Variants in SPMIP2 observed in about 807,000 individuals in gnomAD.
SPMIP2 encodes protein SPMIP2.
At chr4:158,940,858 C>G in the SPMIP2 span, among the ~76,000 whole-genome samples, 12 of 152,036 alleles carry the variant, frequency 7.9e-5, no homozygotes, top group African/African-American at 2.9e-4. Context: ...TTTTGGCCAG[C>G]AAAAATCTCT....
chr4:159,037,827 C>CACACATATAT, the SPMIP2 span, among the ~76,000 whole-genome samples: 1 of 125,920 alleles, frequency 7.9e-6, no homozygotes, highest in South Asian at 2.7e-4. Flanking sequence ...CACACACACA[C>CACACATATAT]ATATATATAT....
chr4:158,926,153 TA>T, the SPMIP2 span, among the ~76,000 whole-genome samples: 1 of 152,196 alleles, frequency 6.6e-6, no homozygotes, highest in African/African-American at 2.4e-5. Flanking sequence ...AATCAACTTT[TA>T]AAAAAATTTT....
At chr4:159,004,700 G>A in the SPMIP2 span, among the ~76,000 whole-genome samples, 7 of 152,188 alleles carry the variant, frequency 4.6e-5, no homozygotes, top group South Asian at 1.2e-3. Context: ...ACCTAACATG[G>A]TTGTTCTATT....
chr4:159,057,198 T>TA, the SPMIP2 span, among the ~76,000 whole-genome samples: 1 of 152,206 alleles, frequency 6.6e-6, no homozygotes, highest in Non-Finnish European at 1.5e-5. Context: ...GATCAGTTTT[T>TA]ATCAAAGGGC....
the SPMIP2 span, among the ~76,000 whole-genome samples, chr4:159,028,527 C>T: frequency 6.6e-6 from 1 of 152,178 alleles, no homozygotes; most frequent in East Asian, 1.9e-4. Flanking sequence ...GATGAACTCT[C>T]TCTGTGTTGC....
At chr4:158,941,904 G>A in the SPMIP2 span, among the ~76,000 whole-genome samples, 1 of 152,072 alleles carries the variant, frequency 6.6e-6, no homozygotes, top group East Asian at 1.9e-4. Flanking sequence ...CAGATTAAGA[G>A]ATGGTGGTGT....
chr4:159,075,868 G>C, the SPMIP2 span, among the ~76,000 whole-genome samples: 1 of 150,780 alleles, frequency 6.6e-6, no homozygotes. Flanking sequence ...GAACATCCAT[G>C]AGCGTTGGAT....
the SPMIP2 span, among the ~76,000 whole-genome samples, chr4:158,994,717 G>A: frequency 6.6e-6 from 1 of 152,198 alleles, no homozygotes; most frequent in East Asian, 1.9e-4. Context: ...GGGGAATCAA[G>A]CCAAGGTAAA....
At chr4:159,055,482 C>A in the SPMIP2 span, among the ~76,000 whole-genome samples, 1 of 152,108 alleles carries the variant, frequency 6.6e-6, no homozygotes, top group South Asian at 2.1e-4. Context: ...GCAAAGCAGG[C>A]AGATTGCTTG....
At chr4:159,018,261 CT>C in the SPMIP2 span, among the ~76,000 whole-genome samples, 6 of 152,334 alleles carry the variant, frequency 3.9e-5, no homozygotes, top group South Asian at 1.2e-3. Flanking sequence ...GCAGCAGCCC[CT>C]GGGGACTGCT....
chr4:159,011,148 A>G, the SPMIP2 span, among the ~76,000 whole-genome samples: 1 of 152,176 alleles, frequency 6.6e-6, no homozygotes, highest in Non-Finnish European at 1.5e-5. Context: ...TTAAATATTG[A>G]CTTTCACTTG....
chr4:158,984,701 C>A, the SPMIP2 span, among the ~76,000 whole-genome samples: 1 of 151,864 alleles, frequency 6.6e-6, no homozygotes, highest in Admixed American at 6.6e-5. Flanking sequence ...AAATTGACAT[C>A]CTAACATAAC....
the SPMIP2 span, among the ~76,000 whole-genome samples, chr4:158,984,144 G>A: frequency 9.2e-6 from 1 of 109,234 alleles, no homozygotes; most frequent in Non-Finnish European, 1.9e-5. Flanking sequence ...GATTCATAAA[G>A]CAAGTCCTGA....
At chr4:159,055,484 GA>G in the SPMIP2 span, among the ~76,000 whole-genome samples, 1 of 152,178 alleles carries the variant, frequency 6.6e-6, no homozygotes, top group Non-Finnish European at 1.5e-5. Context: ...AAAGCAGGCA[GA>G]TTGCTTGAGT....
chr4:159,028,232 T>C, the SPMIP2 span, among the ~76,000 whole-genome samples: 2 of 152,244 alleles, frequency 1.3e-5, no homozygotes, highest in Non-Finnish European at 2.9e-5. Flanking sequence ...TTATGTCTTA[T>C]ATTAACTATT....
the SPMIP2 span, among the ~76,000 whole-genome samples, chr4:158,972,365 ATAAATAAATAATGGTTTTTCCTTTT>A: frequency 6.6e-6 from 1 of 152,210 alleles, no homozygotes; most frequent in Admixed American, 6.5e-5. Context: ...CTGTCTCTAA[ATAAATAAATAATGGTTTTTCCTTTT>A]GTTAACCTTT....
chr4:158,904,171 A>AAGTT, the SPMIP2 span, among the ~76,000 whole-genome samples: 2 of 152,198 alleles, frequency 1.3e-5, no homozygotes, highest in Non-Finnish European at 2.9e-5. Flanking sequence ...GAATACAGGA[A>AAGTT]AGTTAGAAAG....
the SPMIP2 span, among the ~76,000 whole-genome samples, chr4:159,036,675 A>T: frequency 6.6e-6 from 1 of 152,218 alleles, no homozygotes; most frequent in Non-Finnish European, 1.5e-5. Context: ...TTAACCACTC[A>T]GCCCTCCTAA....
chr4:159,008,894 G>C, the SPMIP2 span, among the ~76,000 whole-genome samples: 31 of 152,314 alleles, frequency 2.0e-4, 1 homozygote, highest in Non-Finnish European at 3.8e-4. Flanking sequence ...GACTCAAGCA[G>C]CATTAAGTAA....
Sources: gnomAD v4.1 joint callset for allele counts (sites outside exome capture counted in the v4.1 genomes callset) on GRCh38, gnomAD v4.1.1 for gene constraint, MANE v1.5 for transcripts, NCBI Gene and HGNC (gene_info 2026-07-23, HGNC 2026-07-21) for gene names.